Variants in FHOD3 observed in about 807,000 individuals in gnomAD.
FHOD3 encodes the protein formin homology 2 domain containing 3, also known as FH1/FH2 domain-containing protein 3.
FHOD3 carries 90 observed loss-of-function variants against 173.0 expected under a neutral mutation model. The ratio of observed to expected loss-of-function variants is 0.52; its 90% CI spans 0.44 to 0.62. FHOD3 has a LOEUF of 0.62. Ranked by LOEUF, FHOD3 falls within the 20% of genes least tolerant of loss-of-function variation. The probability of loss-of-function intolerance (pLI) is 0.00; values close to 1 mark genes in which losing one functional copy is unlikely to be tolerated. For missense variants in FHOD3, 1,945 were observed against 2,034.7 expected, an observed-to-expected ratio of 0.96 and a Z score of 0.85; for synonymous variants, 828 against 823.0, an observed-to-expected ratio of 1.01 and a Z score of -0.10.
chr18:36,449,194 C>A (rs1421500266), intron 3 of FHOD3, among the ~76,000 whole-genome samples: 1 of 152,094 alleles, frequency 6.6e-6, no homozygotes, highest in Non-Finnish European at 1.5e-5. Flanking sequence ...TCTCAAATCA[C>A]ACCACCTTAG....
intron 18 of FHOD3, among the ~76,000 whole-genome samples, chr18:36,716,834 A>C (rs1600387260): frequency 6.6e-6 from 1 of 152,150 alleles, no homozygotes; most frequent in East Asian, 1.9e-4. Context: ...GAGAAAAGTT[A>C]AAGTTAGGTG....
chr18:36,485,207 C>T (rs1005181505), intron 3 of FHOD3, among the ~76,000 whole-genome samples: 1 of 152,178 alleles, frequency 6.6e-6, no homozygotes, highest in Non-Finnish European at 1.5e-5. Context: ...GAGGTTGGTT[C>T]ACATTCTCTG....
At chr18:36,369,830 T>C (rs1346223629) in intron 2 of FHOD3, among the ~76,000 whole-genome samples, 4 of 152,152 alleles carry the variant, frequency 2.6e-5, no homozygotes, top group Non-Finnish European at 5.9e-5. Flanking sequence ...ACTCTTTTTA[T>C]CCTTTGTAAG....
chr18:36,348,018 A>G (rs983937751), intron 1 of FHOD3, among the ~76,000 whole-genome samples: 2 of 152,176 alleles, frequency 1.3e-5, no homozygotes, highest in South Asian at 4.1e-4. Flanking sequence ...TCCCTTTGCA[A>G]TGGTTGTTAT....
chr18:36,439,529 G>A (rs866750980), intron 3 of FHOD3, among the ~76,000 whole-genome samples: 11,193 of 128,982 alleles, frequency 0.087, 532 homozygotes, highest in Non-Finnish European at 0.11. Flanking sequence ...GAATGTGTGT[G>A]TGTGTGTGTG....
chr18:36,570,751 T>C (rs768593863), intron 5 of FHOD3, among the ~76,000 whole-genome samples: 1 of 152,196 alleles, frequency 6.6e-6, no homozygotes, highest in East Asian at 1.9e-4. Flanking sequence ...GCATTAACAA[T>C]CTGAAGAAGA....
At chr18:36,662,019 TC>T (rs2036843737) in intron 14 of FHOD3, among the ~76,000 whole-genome samples, 1 of 152,230 alleles carries the variant, frequency 6.6e-6, no homozygotes, top group Non-Finnish European at 1.5e-5. Flanking sequence ...GCAGATAATT[TC>T]TAAATGTTTT....
intron 17 of FHOD3, among the ~76,000 whole-genome samples, chr18:36,705,203 C>T (rs2039805714): frequency 1.3e-5 from 2 of 152,304 alleles, no homozygotes; most frequent in South Asian, 4.1e-4. Context: ...CATCAACACA[C>T]AGCGCTGGTT....
chr18:36,317,459 A>T (rs1193339281), intron 1 of FHOD3, among the ~76,000 whole-genome samples: 1 of 152,092 alleles, frequency 6.6e-6, no homozygotes, highest in Non-Finnish European at 1.5e-5. Context: ...TTTGATTTGC[A>T]TTTTTCTAAT....
rs139087927 is a variant in FHOD3, at chr18:36,651,693, C to A, written c.1287-877C>A. ...CTTGAACCTGGGAGGCAAAGGTTGC[C>A]GTGAGCCAAGATCACTGGGGGCAAC... On this transcript the variant is annotated intron_variant, in intron 11 of 28. Transcript: ENST00000590592. Among the ~76,000 whole-genome samples, 837 of 151,298 alleles carry A rather than the reference C, an allele frequency of 5.5e-3. 9 individuals carry two copies. Among genetic ancestry groups the A allele is most frequent in the African/African-American group, 0.019 (791 of 41,132 alleles).
At position 36,356,629 on chromosome 18, in the gene FHOD3, T is replaced by TTA. The variant is rs533595422; in HGVS notation, c.272+998_272+999dup. Among the ~76,000 whole-genome samples the TTA allele has an allele frequency of 4.1e-3, 610 of 150,556 alleles. 3 individuals carry two copies. The highest frequency in any genetic ancestry group is 0.013 in the African/African-American group (526 of 40,894). ...CATGTGCCACTGTGCCCAGCTAATT[T>TTA]TATATATATATATATGTTATTTTTG... On this transcript the variant is annotated intron_variant, in intron 2 of 28. Coordinates refer to ENST00000590592, the MANE Select transcript of FHOD3 (RefSeq NM_001281740.3).
intron 28 of FHOD3, among the ~76,000 whole-genome samples, chr18:36,772,511 G>T (rs1290369915): frequency 1.3e-5 from 2 of 152,252 alleles, no homozygotes; most frequent in Non-Finnish European, 2.9e-5. Flanking sequence ...TTCTGCTCTT[G>T]CAGGAAACAA....
At chr18:36,725,856 G>A (rs1216915338) in intron 19 of FHOD3, among the ~76,000 whole-genome samples, 1 of 152,112 alleles carries the variant, frequency 6.6e-6, no homozygotes, top group Non-Finnish European at 1.5e-5. Context: ...CTGGACCATT[G>A]TATAGAGCTT....
At chr18:36,656,066 T>C (rs1428875396) in intron 13 of FHOD3, among the ~76,000 whole-genome samples, 3 of 152,152 alleles carry the variant, frequency 2.0e-5, no homozygotes, top group Non-Finnish European at 4.4e-5. Context: ...GCATGGAGCC[T>C]GTGTGGATCA....
intron 17 of FHOD3, among the ~76,000 whole-genome samples, chr18:36,707,319 A>C (rs1223739840): frequency 1.3e-5 from 2 of 152,064 alleles, no homozygotes; most frequent in African/African-American, 4.8e-5. Flanking sequence ...CCTTCCCTGG[A>C]AGCAGGTTCC....
chr18:36,402,700 G>C (rs1050765009), intron 3 of FHOD3, among the ~76,000 whole-genome samples: 1 of 152,096 alleles, frequency 6.6e-6, no homozygotes, highest in Non-Finnish European at 1.5e-5. Flanking sequence ...TGTGTGATCC[G>C]TTTGAGCCTT....
At chr18:36,619,777 G>C (rs1049332680) in intron 9 of FHOD3, among the ~76,000 whole-genome samples, 9 of 152,240 alleles carry the variant, frequency 5.9e-5, no homozygotes, top group Non-Finnish European at 4.4e-5. Flanking sequence ...GAGGATCTGA[G>C]ATCGCAAACA....
intron 3 of FHOD3, among the ~76,000 whole-genome samples, chr18:36,375,015 A>T (rs1164865174): frequency 6.6e-6 from 1 of 152,202 alleles, no homozygotes; most frequent in African/African-American, 2.4e-5. Context: ...TTAAAATTCC[A>T]TTTCCTACTA....
intron 10 of FHOD3, among the ~76,000 whole-genome samples, chr18:36,638,322 G>A (rs36091220): frequency 6.6e-6 from 1 of 152,186 alleles, no homozygotes; most frequent in Non-Finnish European, 1.5e-5. Flanking sequence ...GTATCTAATA[G>A]GCATCTTGGG....
Sources: gnomAD v4.1 joint callset for allele counts (sites outside exome capture counted in the v4.1 genomes callset) on GRCh38, gnomAD v4.1.1 for gene constraint, MANE v1.5 for transcripts, NCBI Gene and HGNC (gene_info 2026-07-23, HGNC 2026-07-21) for gene names.